Variants in GCNA observed in about 807,000 individuals in gnomAD.
GCNA encodes the protein germ cell nuclear acidic protein.
A neutral mutation model predicts 38.8 loss-of-function variants in GCNA; 3 were observed. The observed-to-expected ratio is 0.08, with a 90% CI of 0.04 to 0.20. GCNA has a LOEUF of 0.20. Ranked by LOEUF, GCNA falls within the 10% of genes least tolerant of loss-of-function variation. The probability of loss-of-function intolerance (pLI) is 1.00; values close to 1 mark genes in which losing one functional copy is unlikely to be tolerated. For synonymous variants in GCNA, 195 were observed against 240.2 expected (o/e 0.81, Z 1.74); for missense variants, 446 against 578.6 (o/e 0.77, Z 2.35).
intron 4 of GCNA, among the ~76,000 whole-genome samples, chrX:71,593,309 A>T (rs2040644764): frequency 9.0e-6 from 1 of 111,719 alleles, no homozygotes; most frequent in Non-Finnish European, 1.9e-5. Flanking sequence ...TAACAAGATG[A>T]CCTATGATGT....
rs2040615380 is a variant in GCNA at position 71,589,999 on chromosome X, G to A, written c.60-2123G>A. Among the ~76,000 whole-genome samples the A allele has an allele frequency of 2.8e-5, 3 of 107,311 alleles. 1 individual carries two copies. The Admixed American group carries it at 3.0e-4, about 11-fold the overall frequency. 93.2% of individuals were successfully genotyped at this position (107,311 alleles called of 115,157 possible). ...TGCCCAGGCTGGTCTTGAACTCCTG[G>A]GCTCAAGTAATCCTCCCGCCTTAGC... On this transcript the variant is annotated intron_variant, in intron 2 of 12. Transcript: ENST00000373696.
chrX:71,594,213 T>C, intron 4 of GCNA, 118 bp from the exon 5 acceptor site: 1 of 622,887 alleles, frequency 1.6e-6, no homozygotes, highest in Non-Finnish European at 2.5e-6. Flanking sequence ...CTTAAAACCT[T>C]TTTGCATTTC....
Position 71,612,428 on chromosome X carries a change from T to C in GCNA, c.1824T>C (p.Ser608=). The C allele has an allele frequency of 8.3e-7, 1 of 1,207,522 alleles. No homozygotes were observed. Among genetic ancestry groups the C allele is most frequent in the East Asian group, 3.0e-5 (1 of 33,785 alleles). Residue 608 remains serine, a synonymous_variant, in exon 12 of 13, where the codon TCT becomes TCC. Coordinates refer to ENST00000373696, the MANE Select transcript of GCNA (RefSeq NM_052957.5). ...GGCTGATTGATGGTATCCATGATTC[T>C]CATGGTGACGCATGGAAGTATTATG... ...ASWLIDGIHD[S]HGDAWKYYAR...
intron 7 of GCNA, among the ~76,000 whole-genome samples, chrX:71,600,918 ATTCT>A (rs1030193634): frequency 1.2e-4 from 13 of 111,807 alleles, no homozygotes; most frequent in Non-Finnish European, 9.4e-5. Flanking sequence ...AGTAGATCTT[ATTCT>A]TTCTATTTTT....
At chrX:71,584,230 A>G (rs2040568097) in intron 2 of GCNA, among the ~76,000 whole-genome samples, 1 of 110,979 alleles carries the variant, frequency 9.0e-6, no homozygotes, top group Non-Finnish European at 1.9e-5. Context: ...AAATGCCCAA[A>G]GTTGCTTTTT....
At chrX:71,597,407 A>AG (rs906234849) in intron 6 of GCNA, among the ~76,000 whole-genome samples, 113 of 111,561 alleles carry the variant, frequency 1.0e-3, no homozygotes, top group African/African-American at 3.5e-3. Flanking sequence ...TGAGGACCCC[A>AG]GGGGGTGCTT....
At chrX:71,588,460 T>G (rs950854063) in intron 2 of GCNA, among the ~76,000 whole-genome samples, 1 of 112,364 alleles carries the variant, frequency 8.9e-6, no homozygotes, top group African/African-American at 3.2e-5. Flanking sequence ...TGGCAGTATT[T>G]CTTCCAGAGA....
intron 2 of GCNA, among the ~76,000 whole-genome samples, chrX:71,581,269 A>T (rs1197376570): frequency 1.8e-5 from 2 of 111,941 alleles, no homozygotes; most frequent in Non-Finnish European, 3.8e-5. Context: ...TTTGTTTTAA[A>T]TTTTTTTATG....
intron 10 of GCNA, among the ~76,000 whole-genome samples, chrX:71,610,287 A>G (rs780400930): frequency 1.8e-5 from 2 of 111,995 alleles, no homozygotes; most frequent in African/African-American, 6.5e-5. Context: ...GAGGGTAAAA[A>G]ACTCTGGAGT....
chrX:71,583,594 A>T (rs2040562051), intron 2 of GCNA, among the ~76,000 whole-genome samples: 2 of 111,329 alleles, frequency 1.8e-5, no homozygotes. Flanking sequence ...TAAATATTTA[A>T]TCATAGTAAT....
chrX:71,597,443 G>T (rs1259712436), intron 6 of GCNA, among the ~76,000 whole-genome samples: 1 of 111,227 alleles, frequency 9.0e-6, no homozygotes. Context: ...GGTGGTGCAG[G>T]TGCACTGCTG....
At chrX:71,589,450 C>CTTTTTTTTTTTTT (rs371046758) in intron 2 of GCNA, among the ~76,000 whole-genome samples, 1 of 37,696 alleles carries the variant, frequency 2.7e-5, no homozygotes, top group Non-Finnish European at 4.7e-5. Flanking sequence ...CATATATTTC[C>CTTTTTTTTTTTTT]TTTTTTTTTT....
intron 2 of GCNA, among the ~76,000 whole-genome samples, chrX:71,588,108 C>G (rs1426319777): frequency 1.8e-5 from 2 of 111,832 alleles, no homozygotes; most frequent in African/African-American, 6.5e-5. Flanking sequence ...AATGCAGTTT[C>G]TGATTCCTGT....
chrX:71,588,787 A>T lies in GCNA; in HGVS notation c.60-3335A>T, dbSNP rs965266675. ...GGTTGCAGTGAACCAAGATCGCGCCACTGCACTGCAACCTGGGTGACAGAG... is the reference window on the plus strand; with the variant it reads ...GGTTGCAGTGAACCAAGATCGCGCCTCTGCACTGCAACCTGGGTGACAGAG... On this transcript the variant is annotated intron_variant, in intron 2 of 12. Transcript: ENST00000373696. Among the ~76,000 whole-genome samples the T allele has an allele frequency of 5.4e-5, 6 of 111,684 alleles. No homozygotes were observed. The East Asian group carries it at 1.1e-3, about 21-fold the overall frequency.
intron 2 of GCNA, among the ~76,000 whole-genome samples, chrX:71,585,114 C>T (rs919480533): frequency 9.2e-6 from 1 of 109,198 alleles, no homozygotes; most frequent in Non-Finnish European, 1.9e-5. Flanking sequence ...AGTTTGAGAC[C>T]AGCCTGGCCA....
Position 71,612,568 on chromosome X carries a change from C to T in GCNA, c.1955+9C>T. On this transcript the variant is annotated intron_variant, in intron 12 of 12. Coordinates refer to ENST00000373696, the MANE Select transcript of GCNA (RefSeq NM_052957.5). ...ACTGGATGCAAAACGAGGTAAGACTCTTCTCAGACTTTTCCCAGTTACGTT... is the reference window on the plus strand; with the variant it reads ...ACTGGATGCAAAACGAGGTAAGACTTTTCTCAGACTTTTCCCAGTTACGTT... The T allele has an allele frequency of 1.7e-6, 2 of 1,194,295 alleles. No homozygotes were observed. Among genetic ancestry groups the T allele is most frequent in the Non-Finnish European group, 2.3e-6 (2 of 883,721 alleles).
At chrX:71,608,157 G>T (rs943781229) in intron 9 of GCNA, among the ~76,000 whole-genome samples, 1 of 112,102 alleles carries the variant, frequency 8.9e-6, no homozygotes, top group African/African-American at 3.2e-5. Flanking sequence ...TAAAGGGTAG[G>T]ACAAGAACTT....
At chrX:71,588,892 G>GTT (rs1232133669) in intron 2 of GCNA, among the ~76,000 whole-genome samples, 5 of 101,376 alleles carry the variant, frequency 4.9e-5, no homozygotes, top group Non-Finnish European at 4.0e-5. Context: ...TTTTTTTTAA[G>GTT]TTTTTTTTTT....
chrX:71,608,643 G>A (rs762322063), intron 9 of GCNA, among the ~76,000 whole-genome samples: 46 of 112,664 alleles, frequency 4.1e-4, no homozygotes, highest in Non-Finnish European at 2.4e-4. Flanking sequence ...TTGAACACAC[G>A]TTTAGCTGGA....
Sources: gnomAD v4.1 joint callset for allele counts (sites outside exome capture counted in the v4.1 genomes callset) on GRCh38, gnomAD v4.1.1 for gene constraint, MANE v1.5 for transcripts, NCBI Gene and HGNC (gene_info 2026-07-23, HGNC 2026-07-21) for gene names.